Variants in COL8A1 observed in about 807,000 individuals in gnomAD.
COL8A1 encodes collagen alpha-1(VIII) chain.
A neutral mutation model predicts 42.7 loss-of-function variants in COL8A1; 21 were observed. That is an observed-to-expected ratio of 0.49 (90% CI 0.35 to 0.71). The LOEUF is 0.71. COL8A1 is among the 30% of genes least tolerant of loss of function. The probability of loss-of-function intolerance (pLI) is 0.01; values close to 1 mark genes in which losing one functional copy is unlikely to be tolerated. For missense variants in COL8A1, 788 were observed against 962.4 expected, an observed-to-expected ratio of 0.82 and a Z score of 2.40; for synonymous variants, 367 against 369.1, an observed-to-expected ratio of 0.99 and a Z score of 0.06.
intron 1 of COL8A1, among the ~76,000 whole-genome samples, chr3:99,657,738 C>T (rs888259034): frequency 1.3e-5 from 2 of 152,170 alleles, no homozygotes; most frequent in Admixed American, 6.5e-5. Context: ...TCCCATGCCT[C>T]CTACCCTCTG....
At chr3:99,721,082 T>C (rs1049413860) in intron 1 of COL8A1, among the ~76,000 whole-genome samples, 2 of 151,930 alleles carry the variant, frequency 1.3e-5, no homozygotes, top group African/African-American at 4.8e-5. Flanking sequence ...ACTCAGAATT[T>C]GGGGAGTACC....
At chr3:99,651,295 A>G (rs1423927380) in intron 1 of COL8A1, among the ~76,000 whole-genome samples, 1 of 152,246 alleles carries the variant, frequency 6.6e-6, no homozygotes, top group Non-Finnish European at 1.5e-5. Flanking sequence ...TTCTACAGAG[A>G]CAGACTATAC....
chr3:99,748,081 A>G (rs1366110187), intron 2 of COL8A1, among the ~76,000 whole-genome samples: 3 of 152,238 alleles, frequency 2.0e-5, no homozygotes, highest in Admixed American at 2.0e-4. Context: ...CTTCCTGAAA[A>G]GAGTATGGCA....
intron 1 of COL8A1, among the ~76,000 whole-genome samples, chr3:99,710,527 G>A (rs1036396753): frequency 2.8e-4 from 42 of 152,162 alleles, no homozygotes; most frequent in Admixed American, 1.8e-3. Flanking sequence ...AACATTTAAT[G>A]AACCAAAGCT....
chr3:99,746,669 T>C (rs1442540476), intron 2 of COL8A1, among the ~76,000 whole-genome samples: 3 of 152,254 alleles, frequency 2.0e-5, no homozygotes. Context: ...TTAAGCTCTT[T>C]GTTTTTAAAC....
intron 1 of COL8A1, among the ~76,000 whole-genome samples, chr3:99,723,549 T>C (rs952892172): frequency 2.6e-5 from 4 of 152,178 alleles, no homozygotes; most frequent in Non-Finnish European, 5.9e-5. Flanking sequence ...TCAATTGTAA[T>C]ACATTCTTGT....
rs11923219 is a variant in COL8A1, at chr3:99,641,778, C to A, written c.-129+3114C>A. On this transcript the variant is annotated intron_variant, in intron 1 of 3. Coordinates refer to ENST00000652472, the MANE Select transcript of COL8A1 (RefSeq NM_020351.4). ...TCTGCCTTGACCTCCTTCTCTTCAACCAGACCCCTATAAACATACATGTAC... is the reference window on the plus strand; with the variant it reads ...TCTGCCTTGACCTCCTTCTCTTCAAACAGACCCCTATAAACATACATGTAC... 8.9e-3 allele frequency among the ~76,000 whole-genome samples: 1,357 copies of A among 152,226 alleles called. 21 individuals carry two copies. Among genetic ancestry groups the A allele is most frequent in the African/African-American group, 0.031 (1,274 of 41,526 alleles).
intron 1 of COL8A1, among the ~76,000 whole-genome samples, chr3:99,741,498 A>G (rs1412882459): frequency 4.6e-5 from 7 of 152,154 alleles, no homozygotes; most frequent in African/African-American, 1.4e-4. Context: ...TTATATTACA[A>G]TTTTAGTAGT....
At chr3:99,675,817 C>A (rs1179919876) in intron 1 of COL8A1, 1 of 152,464 alleles carries the variant, frequency 6.6e-6, no homozygotes, top group Non-Finnish European at 1.5e-5. Context: ...TTTTGACCCC[C>A]TCTAAGGCTG....
At chr3:99,654,509 T>C (rs935504824) in intron 1 of COL8A1, among the ~76,000 whole-genome samples, 3 of 152,160 alleles carry the variant, frequency 2.0e-5, no homozygotes, top group African/African-American at 7.2e-5. Context: ...CCAATGTGTC[T>C]GGGAACATTG....
chr3:99,679,774 T>A (rs1469099490), intron 1 of COL8A1: 1 of 152,212 alleles, frequency 6.6e-6, no homozygotes, highest in Non-Finnish European at 1.5e-5. Context: ...AATCTGTTTC[T>A]GGCATGGCAG....
intron 1 of COL8A1, among the ~76,000 whole-genome samples, chr3:99,666,784 G>T (rs533278087): frequency 2.1e-4 from 32 of 152,302 alleles, no homozygotes; most frequent in African/African-American, 7.0e-4. Flanking sequence ...GAACTAAGTA[G>T]AAAAATATTT....
intron 1 of COL8A1, among the ~76,000 whole-genome samples, chr3:99,738,208 G>A (rs1161650225): frequency 6.6e-6 from 1 of 152,174 alleles, no homozygotes; most frequent in African/African-American, 2.4e-5. Context: ...ATCATCTGAA[G>A]CCTTCTTCTC....
At chr3:99,658,707 A>C (rs1055850038) in intron 1 of COL8A1, among the ~76,000 whole-genome samples, 13 of 152,228 alleles carry the variant, frequency 8.5e-5, no homozygotes, top group Non-Finnish European at 1.6e-4. Context: ...AAGGTCAACC[A>C]AGGGTCTAGG....
chr3:99,773,815 G>GTATATATATATATATAT (rs1941629577), intron 2 of COL8A1, among the ~76,000 whole-genome samples: 2 of 35,900 alleles, frequency 5.6e-5, no homozygotes, highest in Non-Finnish European at 1.0e-4. Context: ...ATATATGTGT[G>GTATATATATATATATAT]TATATATATA....
intron 1 of COL8A1, among the ~76,000 whole-genome samples, chr3:99,650,116 T>C (rs1163941211): frequency 2.0e-5 from 3 of 152,196 alleles, no homozygotes; most frequent in African/African-American, 7.2e-5. Context: ...TCTGATGGGC[T>C]ACTACTCCCC....
Position 99,797,061 on chromosome 3 carries a change from T to TTA in COL8A1, c.*925_*926insTA, listed in dbSNP as rs1389995565. 1 of 152,212 alleles carries TTA rather than the reference T, an allele frequency of 6.6e-6. No homozygotes were observed. The highest frequency in any genetic ancestry group is 2.4e-5 in the African/African-American group (1 of 41,452). 9.4% of individuals were successfully genotyped at this position (152,212 alleles called of 1,614,324 possible). On this transcript the variant is annotated 3_prime_UTR_variant, in exon 4 of 4. Transcript: ENST00000652472. ...CAAGGAAAAAAAATTCTTCCTCTAA[T>TTA]AACTTTCCAAATTTGTGGAATATTT...
chr3:99,707,607 G>T (rs892981933), intron 1 of COL8A1, among the ~76,000 whole-genome samples: 2 of 152,170 alleles, frequency 1.3e-5, no homozygotes, highest in African/African-American at 4.8e-5. Context: ...CTATTCGCTA[G>T]GTAAGAGTTT....
At chr3:99,678,577 G>GGTTGTTTGTTGTT (rs1443328816) in intron 1 of COL8A1, 1 of 124,722 alleles carries the variant, frequency 8.0e-6, no homozygotes, top group Non-Finnish European at 1.8e-5. Flanking sequence ...CATTTTTCTG[G>GGTTGTTTGTTGTT]GTTGTTTGTT....
Sources: allele counts gnomAD v4.1 joint callset (sites outside exome capture counted in the v4.1 genomes callset), GRCh38; gene constraint gnomAD v4.1.1; transcripts MANE v1.5; gene names NCBI Gene and HGNC (gene_info 2026-07-23, HGNC 2026-07-21).